RYR2: variants seen among roughly 807,000 people sequenced by gnomAD.
The protein encoded by RYR2 is cardiac muscle ryanodine receptor-calcium release channel.
RYR2 carries 227 observed loss-of-function variants against 601.1 expected under a neutral mutation model. The observed-to-expected ratio is 0.38, with a 90% CI of 0.34 to 0.42. RYR2 has a LOEUF of 0.42. RYR2 is among the 10% of genes least tolerant of loss of function. The pLI, the probability that RYR2 is intolerant of heterozygous loss-of-function variation, is 1.00. For synonymous variants in RYR2, 2,223 were observed against 2,175.1 expected, an observed-to-expected ratio of 1.02 and a Z score of -0.61; for missense variants, 4,646 against 6,156.5, an observed-to-expected ratio of 0.75 and a Z score of 8.21.
At position 237,387,397 on chromosome 1, in the gene RYR2, A is replaced by C. The variant is rs779481175; in HGVS notation, c.676+17A>C. On this transcript the variant is annotated intron_variant, in intron 9 of 104. Coordinates refer to ENST00000366574, the MANE Select transcript of RYR2 (RefSeq NM_001035.3). ...CAGCCCAAGGTAAAAACTCCACTTC[A>C]ATTAGAGGGCCTGTCCTTGCTGCAA... is the stretch of plus-strand genomic sequence containing the variant. The C allele has an allele frequency of 4.4e-6, 7 of 1,607,474 alleles. No homozygotes were observed. Among genetic ancestry groups the C allele is most frequent in the Non-Finnish European group, 6.0e-6 (7 of 1,174,154 alleles).
chr1:237,222,943 T>C (rs1485224015), intron 1 of RYR2, among the ~76,000 whole-genome samples: 2 of 152,090 alleles, frequency 1.3e-5, no homozygotes, highest in Non-Finnish European at 1.5e-5. Flanking sequence ...CACATGCTTG[T>C]AATCCCAGCT....
At chr1:237,276,030 A>G (rs1445215837) in intron 2 of RYR2, among the ~76,000 whole-genome samples, 1 of 152,268 alleles carries the variant, frequency 6.6e-6, no homozygotes, top group Non-Finnish European at 1.5e-5. Flanking sequence ...GTGATGTTTT[A>G]GAATGCATGG....
chr1:237,176,159 T>TCCCC (rs1678018556), intron 1 of RYR2, among the ~76,000 whole-genome samples: 1 of 151,330 alleles, frequency 6.6e-6, no homozygotes, highest in Admixed American at 6.6e-5. Context: ...GTCCAGGAGT[T>TCCCC]AGAGGCTACG....
At position 237,705,263 on chromosome 1, in the gene RYR2, C is replaced by T; in HGVS notation, c.9500C>T (p.Pro3167Leu). 1.2e-6 allele frequency: 2 copies of T among 1,606,918 alleles called. No homozygotes were observed. Among genetic ancestry groups the T allele is most frequent in the Non-Finnish European group, 1.7e-6 (2 of 1,175,874 alleles). The stretch of plus-strand genomic sequence containing the variant: ...CTAGCTGCCTTTGCTGGTGCTTTTC[C>T]TGTAGCATTTTTGGAAACTCATCTG... Reference protein sequence around the residue: ...ECLAAFAGAFPVAFLETHLDK... With the variant: ...ECLAAFAGAFLVAFLETHLDK... The change falls in exon 67 of 105, where the codon CCT becomes CTT. Residue 3167 changes from proline to leucine, a missense_variant. Coordinates refer to ENST00000366574, the MANE Select transcript of RYR2 (RefSeq NM_001035.3).
At chr1:237,402,976 A>G (rs979562746) in intron 10 of RYR2, among the ~76,000 whole-genome samples, 2 of 143,688 alleles carry the variant, frequency 1.4e-5, no homozygotes, top group African/African-American at 5.1e-5. Flanking sequence ...GGTAAATGAT[A>G]TTATAGATGG....
chr1:237,422,331 A>G (rs923981122), intron 11 of RYR2, among the ~76,000 whole-genome samples: 2 of 152,120 alleles, frequency 1.3e-5, no homozygotes, highest in Admixed American at 1.3e-4. Context: ...CAATTAGCAT[A>G]TCCATCATCT....
chr1:237,195,349 G>A (rs536812096), intron 1 of RYR2, among the ~76,000 whole-genome samples: 4 of 152,242 alleles, frequency 2.6e-5, no homozygotes, highest in East Asian at 3.9e-4. Context: ...CGCCTCCCAC[G>A]TTCAAGTGAT....
intron 2 of RYR2, among the ~76,000 whole-genome samples, chr1:237,285,531 G>T (rs1691463160): frequency 6.6e-6 from 1 of 152,164 alleles, no homozygotes; most frequent in Admixed American, 6.5e-5. Flanking sequence ...GGGTGATACT[G>T]GCTTCATAGA....
chr1:237,338,057 G>A (rs538550285), intron 3 of RYR2, among the ~76,000 whole-genome samples: 115 of 152,170 alleles, frequency 7.6e-4, no homozygotes, highest in African/African-American at 2.8e-3. Context: ...CACCCTCAAA[G>A]CCAGCAGTGA....
chr1:237,679,411 G>A (rs1018207080), intron 61 of RYR2, among the ~76,000 whole-genome samples: 4 of 152,138 alleles, frequency 2.6e-5, no homozygotes, highest in Non-Finnish European at 5.9e-5. Context: ...AAAAACTGGT[G>A]TAGTCCCCAT....
At chr1:237,777,561 T>G (rs924842397) in intron 87 of RYR2, among the ~76,000 whole-genome samples, 3 of 152,228 alleles carry the variant, frequency 2.0e-5, no homozygotes, top group Admixed American at 6.5e-5. Flanking sequence ...TCCCTGTTAT[T>G]TATTTTCATG....
chr1:237,159,386 G>A (rs142092471), intron 1 of RYR2, among the ~76,000 whole-genome samples: 3 of 152,236 alleles, frequency 2.0e-5, no homozygotes, highest in African/African-American at 2.4e-5. Context: ...AGTCTATGGG[G>A]CGTTTATCTA....
chr1:237,775,710 A>G (rs569117809), intron 87 of RYR2, among the ~76,000 whole-genome samples: 1 of 152,344 alleles, frequency 6.6e-6, no homozygotes, highest in South Asian at 2.1e-4. Flanking sequence ...CAAGGTTCCT[A>G]CAGTAAGACC....
intron 12 of RYR2, among the ~76,000 whole-genome samples, chr1:237,426,043 G>A (rs1706117565): frequency 6.6e-6 from 1 of 151,168 alleles, no homozygotes; most frequent in Non-Finnish European, 1.5e-5. Flanking sequence ...TGTTTCTATA[G>A]TTATATACAT....
chr1:237,188,404 C>G (rs753896571), intron 1 of RYR2, among the ~76,000 whole-genome samples: 1 of 151,958 alleles, frequency 6.6e-6, no homozygotes, highest in Non-Finnish European at 1.5e-5. Flanking sequence ...AGGCTTGGGG[C>G]GTGACCTCAG....
chr1:237,567,965 G>T (rs1037141485), intron 28 of RYR2, among the ~76,000 whole-genome samples: 81 of 148,922 alleles, frequency 5.4e-4, no homozygotes, highest in Admixed American at 1.4e-3. Context: ...ACACTTTTTT[G>T]GGGGGTTGGG....
chr1:237,604,621 A>G (rs768506591), intron 35 of RYR2, among the ~76,000 whole-genome samples: 55 of 152,178 alleles, frequency 3.6e-4, no homozygotes, highest in Non-Finnish European at 6.8e-4. Flanking sequence ...CAAAAAATCA[A>G]TGAATCCAGG....
At chr1:237,450,192 A>T (rs776134265) in intron 14 of RYR2, among the ~76,000 whole-genome samples, 3 of 152,028 alleles carry the variant, frequency 2.0e-5, no homozygotes, top group Non-Finnish European at 4.4e-5. Flanking sequence ...TAGTTTTCTC[A>T]TGACATTCTC....
At chr1:237,098,966 A>G (rs764379308) in intron 1 of RYR2, among the ~76,000 whole-genome samples, 10 of 152,196 alleles carry the variant, frequency 6.6e-5, no homozygotes, top group African/African-American at 2.2e-4. Context: ...TCTGAATCGC[A>G]TATGATGTGC....
Sources: allele counts gnomAD v4.1 joint callset (sites outside exome capture counted in the v4.1 genomes callset), GRCh38; gene constraint gnomAD v4.1.1; transcripts MANE v1.5; gene names NCBI Gene and HGNC (gene_info 2026-07-23, HGNC 2026-07-21).